The following IL1RAPL2 variants were observed in gnomAD, a reference collection of about 807,000 sequenced individuals.
IL1RAPL2 encodes interleukin 1 receptor accessory protein like 2, also known as X-linked interleukin-1 receptor accessory protein-like 2.
Under a neutral mutation model 44.1 loss-of-function variants are expected in IL1RAPL2, and 3 were observed. The ratio of observed to expected loss-of-function variants is 0.07; its 90% confidence interval spans 0.03 to 0.18. The LOEUF (loss-of-function observed/expected upper bound fraction) is 0.18, where lower values mean the gene tolerates loss of function less well. IL1RAPL2 is among the 10% of genes least tolerant of loss of function. The pLI is 1.00. For synonymous variants in IL1RAPL2, 181 were observed against 178.8 expected (o/e 1.01, Z -0.10); for missense variants, 391 against 496.4 (o/e 0.79, Z 2.02).
intron 2 of IL1RAPL2, among the ~76,000 whole-genome samples, chrX:105,051,970 A>G (rs748823936): frequency 2.7e-5 from 3 of 112,503 alleles, no homozygotes; most frequent in Non-Finnish European, 5.6e-5. Context: ...GTTTCTGCAC[A>G]TGTATCCCAT....
intron 5 of IL1RAPL2, among the ~76,000 whole-genome samples, chrX:105,444,599 A>G (rs949982470): frequency 2.7e-5 from 3 of 111,565 alleles, no homozygotes; most frequent in Non-Finnish European, 5.6e-5. Context: ...AATATATAAT[A>G]ATTACAAATA....
chrX:104,999,620 T>A (rs1359488297), intron 2 of IL1RAPL2, among the ~76,000 whole-genome samples: 1 of 111,837 alleles, frequency 8.9e-6, no homozygotes, highest in Non-Finnish European at 1.9e-5. Flanking sequence ...TGATATTCAC[T>A]TAGTCTGGCC....
chrX:105,029,860 C>T lies in IL1RAPL2; in HGVS notation c.83-165615C>T, dbSNP rs369360077. On this transcript the variant is annotated intron_variant, in intron 2 of 10. Coordinates refer to ENST00000372582, the MANE Select transcript of IL1RAPL2 (RefSeq NM_017416.2). ...CCACAATGGTTGAACTAGTTTACAG[C>T]CCCACCAACAGTGTAAAAGTGTTCC... Among the ~76,000 whole-genome samples the T allele has an allele frequency of 3.1e-4, 34 of 111,206 alleles. 1 individual carries two copies. Among genetic ancestry groups the T allele is most frequent in the South Asian group, 1.2e-3 (3 of 2,597 alleles).
At chrX:105,247,275 C>T (rs898078830) in intron 4 of IL1RAPL2, among the ~76,000 whole-genome samples, 2 of 110,732 alleles carry the variant, frequency 1.8e-5, no homozygotes, top group Admixed American at 9.7e-5. Flanking sequence ...TAGATTCAAA[C>T]GCTGAAATTC....
intron 6 of IL1RAPL2, among the ~76,000 whole-genome samples, chrX:105,685,996 C>T (rs1181637125): frequency 1.8e-5 from 2 of 111,309 alleles, no homozygotes; most frequent in Admixed American, 1.9e-4. Context: ...TACAGACAAG[C>T]AAATGCTGAG....
intron 2 of IL1RAPL2, among the ~76,000 whole-genome samples, chrX:105,020,540 C>T (rs982849151): frequency 1.8e-5 from 2 of 111,720 alleles, no homozygotes; most frequent in Admixed American, 9.5e-5. Flanking sequence ...GGATTCATAA[C>T]ATTAGTACTT....
intron 2 of IL1RAPL2, among the ~76,000 whole-genome samples, chrX:105,117,074 G>A (rs1244301462): frequency 8.9e-6 from 1 of 112,296 alleles, no homozygotes; most frequent in Non-Finnish European, 1.9e-5. Flanking sequence ...CTTCATTACT[G>A]TGTATTTTTG....
chrX:105,434,024 T>A (rs1235176383), intron 5 of IL1RAPL2, among the ~76,000 whole-genome samples: 2 of 111,389 alleles, frequency 1.8e-5, no homozygotes, highest in Non-Finnish European at 3.8e-5. Flanking sequence ...TAAAGAACTC[T>A]TAGACTCAAT....
intron 6 of IL1RAPL2, among the ~76,000 whole-genome samples, chrX:105,678,609 C>A (rs1381879766): frequency 9.1e-6 from 1 of 110,337 alleles, no homozygotes; most frequent in Admixed American, 9.8e-5. Context: ...GTGCTCATAG[C>A]TGTTCTTCAG....
chrX:105,077,516 T>C (rs1029151838), intron 2 of IL1RAPL2, among the ~76,000 whole-genome samples: 4 of 111,136 alleles, frequency 3.6e-5, no homozygotes, highest in Non-Finnish European at 7.5e-5. Flanking sequence ...CTGACAATTA[T>C]GTGTCTTGGA....
chrX:105,316,444 A>G (rs1397285615), intron 5 of IL1RAPL2, among the ~76,000 whole-genome samples: 2 of 111,395 alleles, frequency 1.8e-5, no homozygotes, highest in African/African-American at 6.5e-5. Context: ...TATATGAACA[A>G]TTTAGTTAAA....
At chrX:104,804,138 A>G (rs1932904622) in intron 2 of IL1RAPL2, 2 of 112,309 alleles carry the variant, frequency 1.8e-5, no homozygotes, top group South Asian at 7.3e-4. Flanking sequence ...CTGCAGGTGA[A>G]GAACTTCAGC....
At chrX:105,202,025 A>G (rs1288543679) in intron 3 of IL1RAPL2, among the ~76,000 whole-genome samples, 1 of 112,156 alleles carries the variant, frequency 8.9e-6, no homozygotes, top group African/African-American at 3.2e-5. Flanking sequence ...CTACTTGTTA[A>G]TAAAATTATA....
chrX:105,077,252 C>A (rs1212351497), intron 2 of IL1RAPL2, among the ~76,000 whole-genome samples: 1 of 111,533 alleles, frequency 9.0e-6, no homozygotes, highest in Non-Finnish European at 1.9e-5. Flanking sequence ...GTGCCAAAAT[C>A]TCTCAGCATT....
chrX:105,290,443 T>G (rs963877182), intron 5 of IL1RAPL2, among the ~76,000 whole-genome samples: 2 of 111,075 alleles, frequency 1.8e-5, no homozygotes, highest in African/African-American at 6.6e-5. Flanking sequence ...CAGTAATGAG[T>G]AAAGGTCCAC....
At chrX:105,543,500 C>T (rs2036762471) in intron 6 of IL1RAPL2, among the ~76,000 whole-genome samples, 1 of 111,600 alleles carries the variant, frequency 9.0e-6, no homozygotes, top group African/African-American at 3.3e-5. Context: ...CAATGAGGTC[C>T]TTTACAAGTT....
chrX:105,483,885 G>C (rs1185236270), intron 5 of IL1RAPL2, among the ~76,000 whole-genome samples: 1 of 111,471 alleles, frequency 9.0e-6, no homozygotes, highest in Non-Finnish European at 1.9e-5. Flanking sequence ...AGTGGAGAGT[G>C]GGGGATAATT....
chrX:105,138,473 C>CAAAAAAA (rs371757842), intron 2 of IL1RAPL2, among the ~76,000 whole-genome samples: 3 of 54,476 alleles, frequency 5.5e-5, no homozygotes, highest in African/African-American at 6.9e-5. Flanking sequence ...ATATAATTAC[C>CAAAAAAA]AAAAAAAAAA....
At chrX:104,833,716 G>T (rs1445793020) in intron 2 of IL1RAPL2, among the ~76,000 whole-genome samples, 1 of 111,694 alleles carries the variant, frequency 9.0e-6, no homozygotes, top group Non-Finnish European at 1.9e-5. Context: ...GGAGCATAAA[G>T]ACTTCTGTTA....
Sources: gnomAD v4.1 joint callset for allele counts (sites outside exome capture counted in the v4.1 genomes callset) on GRCh38, gnomAD v4.1.1 for gene constraint, MANE v1.5 for transcripts, NCBI Gene and HGNC (gene_info 2026-07-23, HGNC 2026-07-21) for gene names.